Variants in PMS2 observed in about 807,000 individuals in gnomAD.
PMS2 encodes PMS1 homolog 2, mismatch repair system component, also known as mismatch repair endonuclease PMS2.
PMS2 carries 69 observed loss-of-function variants against 90.0 expected under a neutral mutation model. The observed-to-expected ratio is 0.77, with a 90% CI of 0.63 to 0.94. The LOEUF (loss-of-function observed/expected upper bound fraction) is 0.94. PMS2 is among the 40% of genes least tolerant of loss of function. The probability of loss-of-function intolerance (pLI) is 0.00; values close to 1 mark genes in which losing one functional copy is unlikely to be tolerated. For missense variants in PMS2, 966 were observed against 1,040.2 expected (o/e 0.93, Z 0.98); for synonymous variants, 332 against 375.1 (o/e 0.89, Z 1.33).
chr7:5,996,800 G>C (rs927250481), intron 7 of PMS2, among the ~76,000 whole-genome samples: 33 of 151,978 alleles, frequency 2.2e-4, no homozygotes, highest in African/African-American at 8.0e-4. Context: ...CTGCTCAACA[G>C]AAAACCACCT....
At chr7:5,986,176 C>T (rs1782838049) in intron 11 of PMS2, among the ~76,000 whole-genome samples, 1 of 145,744 alleles carries the variant, frequency 6.9e-6, no homozygotes, top group South Asian at 2.2e-4. Flanking sequence ...GAGTCTGTGT[C>T]CTGCCACAGA....
chr7:6,003,003 T>C (rs1785273886), intron 4 of PMS2, among the ~76,000 whole-genome samples: 1 of 152,080 alleles, frequency 6.6e-6, no homozygotes, highest in Non-Finnish European at 1.5e-5. Context: ...AATTAAAATG[T>C]ATATGTAGGG....
At chr7:6,006,639 A>G (rs561597794) in intron 1 of PMS2, among the ~76,000 whole-genome samples, 27 of 126,906 alleles carry the variant, frequency 2.1e-4, no homozygotes, top group African/African-American at 7.4e-4. Context: ...GGCAACGAGC[A>G]AAAAAAAAAA....
At chr7:5,991,866 A>G in intron 9 of PMS2, 107 bp downstream of exon 9, 2 of 717,682 alleles carry the variant, frequency 2.8e-6, no homozygotes, top group South Asian at 3.0e-5. Flanking sequence ...AAAAACTTAC[A>G]TGACCATAAA....
At chr7:6,005,797 C>G (rs1785672583) in intron 2 of PMS2, 95 bp downstream of exon 2, 4 of 1,580,282 alleles carry the variant, frequency 2.5e-6, no homozygotes, top group Non-Finnish European at 3.5e-6. Flanking sequence ...ATTACTACAT[C>G]AACACTTGAT....
intron 9 of PMS2, 110 bp downstream of exon 9, chr7:5,991,863 T>G (rs1391492434): frequency 5.6e-6 from 4 of 710,596 alleles, no homozygotes; most frequent in Non-Finnish European, 2.5e-6. Flanking sequence ...ACAAAAAACT[T>G]ACATGACCAT....
intron 13 of PMS2, among the ~76,000 whole-genome samples, chr7:5,978,004 C>T (rs1781890255): frequency 6.7e-6 from 1 of 150,014 alleles, no homozygotes; most frequent in African/African-American, 2.5e-5. Flanking sequence ...CCTGTAGTCC[C>T]AGCTACTCGG....
chr7:6,009,068 G>A (rs952806552), upstream of PMS2: 6 of 1,600,792 alleles, frequency 3.7e-6, no homozygotes, highest in Admixed American at 1.7e-5. Flanking sequence ...TCCCTCCAGG[G>A]CTCCCACAGG....
intron 13 of PMS2, among the ~76,000 whole-genome samples, chr7:5,978,231 G>A (rs1781926679): frequency 6.7e-6 from 1 of 149,768 alleles, no homozygotes; most frequent in African/African-American, 2.5e-5. Context: ...TGACCTGAAA[G>A]ATTATTCCCA....
intron 8 of PMS2, among the ~76,000 whole-genome samples, chr7:5,993,104 C>A (rs1326349777): frequency 6.6e-6 from 1 of 152,128 alleles, no homozygotes; most frequent in Non-Finnish European, 1.5e-5. Flanking sequence ...GGAGCGGTGG[C>A]TCACGCCTGT....
chr7:5,995,262 C>G (rs1166494561), intron 8 of PMS2, among the ~76,000 whole-genome samples: 5 of 152,078 alleles, frequency 3.3e-5, no homozygotes, highest in Admixed American at 3.3e-4. Context: ...GTCTCGAACT[C>G]CTGGCCTCAG....
At chr7:5,991,127 C>T (rs555511711) in intron 9 of PMS2, among the ~76,000 whole-genome samples, 48 of 151,826 alleles carry the variant, frequency 3.2e-4, no homozygotes, top group African/African-American at 1.1e-3. Context: ...ATTAAAATAC[C>T]AAACTATAAC....
intron 9 of PMS2, among the ~76,000 whole-genome samples, chr7:5,990,267 C>T (rs1783592911): frequency 6.6e-6 from 1 of 152,234 alleles, no homozygotes; most frequent in African/African-American, 2.4e-5. Flanking sequence ...CTTGGCCTCC[C>T]AAAGTTCTGG....
intron 12 of PMS2, among the ~76,000 whole-genome samples, chr7:5,979,201 CAAA>C (rs60152367): frequency 4.0e-5 from 2 of 49,456 alleles, no homozygotes; most frequent in East Asian, 7.0e-4. Context: ...GACTCTGTCT[CAAA>C]AAAAAAAAAA....
chr7:6,005,275 G>A (rs530956483), intron 2 of PMS2, among the ~76,000 whole-genome samples: 2 of 152,194 alleles, frequency 1.3e-5, no homozygotes, highest in South Asian at 4.1e-4. Flanking sequence ...CACGATCTCG[G>A]CTTACTGCAA....
intron 2 of PMS2, among the ~76,000 whole-genome samples, chr7:6,005,267 CG>C (rs1445277954): frequency 6.6e-6 from 1 of 152,108 alleles, no homozygotes; most frequent in Non-Finnish European, 1.5e-5. Context: ...TGCAGTGGCA[CG>C]ATCTCGGCTT....
chr7:6,003,646 G>A (rs1284813224), intron 4 of PMS2, 44 bp downstream of exon 4: 2 of 985,572 alleles, frequency 2.0e-6, no homozygotes, highest in Non-Finnish European at 1.6e-6. Flanking sequence ...TTTCAGAGAG[G>A]TTTCTCTAAG....
rs1402108044 is a variant in PMS2 at position 5,995,541 on chromosome 7, G to C, written c.896C>G (p.Pro299Arg). 1 of 1,610,686 alleles carries C rather than the reference G, an allele frequency of 6.2e-7. No individual in the cohort carries two copies. The highest frequency in any genetic ancestry group is 1.3e-5 in the African/African-American group (1 of 74,958). ...CAAAAAAATTTTAAATACCTTTGCT[G>C]GGTCACAAGGCCGCCGGTTGATAAA... Reference protein sequence around the residue: ...FFFINRRPCDPAKVCRLVNEV... With the variant: ...FFFINRRPCDRAKVCRLVNEV... Residue 299 changes from proline (P) to arginine (R), a missense_variant, in exon 8 of 15, where the codon CCA becomes CGA. Transcript: ENST00000265849.
At chr7:5,976,110 C>T (rs1181556522) in intron 14 of PMS2, among the ~76,000 whole-genome samples, 1 of 142,440 alleles carries the variant, frequency 7.0e-6, no homozygotes, top group Non-Finnish European at 1.6e-5. Flanking sequence ...GTGGTGGGTG[C>T]CTGTAGTCCC....
Sources: allele counts gnomAD v4.1 joint callset (sites outside exome capture counted in the v4.1 genomes callset), GRCh38; gene constraint gnomAD v4.1.1; transcripts MANE v1.5; gene names NCBI Gene and HGNC (gene_info 2026-07-23, HGNC 2026-07-21).